Variants in PTPRN2 observed in about 807,000 individuals in gnomAD.
The protein encoded by PTPRN2 is protein tyrosine phosphatase receptor type N2.
PTPRN2 carries 74 observed loss-of-function variants against 118.8 expected under a neutral mutation model. The observed-to-expected ratio is 0.62, with a 90% confidence interval of 0.52 to 0.76. The LOEUF (loss-of-function observed/expected upper bound fraction) is 0.76. Among genes scored for constraint, PTPRN2 ranks in the 30% least tolerant of loss-of-function variants. PTPRN2 has a pLI of 0.00. For synonymous variants in PTPRN2, 641 were observed against 608.0 expected (o/e 1.05, Z -0.80); for missense variants, 1,481 against 1,394.4 (o/e 1.06, Z -0.99).
chr7:158,466,088 T>A (rs1819362136), intron 2 of PTPRN2, among the ~76,000 whole-genome samples: 1 of 152,204 alleles, frequency 6.6e-6, no homozygotes, highest in South Asian at 2.1e-4. Flanking sequence ...ATTTGAGGCG[T>A]GCAACATGAT....
chr7:157,892,529 A>G (rs1796868199), intron 12 of PTPRN2, among the ~76,000 whole-genome samples: 1 of 152,280 alleles, frequency 6.6e-6, no homozygotes, highest in South Asian at 2.1e-4. Context: ...TAATTCCACT[A>G]TCTGTCATCA....
chr7:157,618,007 A>C lies in PTPRN2; in HGVS notation c.2344+3355T>G. ...ATAATTCTTTTTTAAACATTCAAAA[A>C]ACAGAAAATGCATGTTAAGTTCTTT... On this transcript the variant is annotated intron_variant, in intron 15 of 22. Coordinates refer to ENST00000389418, the MANE Select transcript of PTPRN2 (RefSeq NM_002847.5). This position sits in a 1 kb window ranked among gnomAD's most constrained non-coding sequence, Gnocchi z 4.2. 1 of 152,268 alleles carries C rather than the reference A, an allele frequency of 6.6e-6. No homozygotes were observed. Among genetic ancestry groups the C allele is most frequent in the Non-Finnish European group, 1.5e-5 (1 of 68,050 alleles). 9.4% of individuals were successfully genotyped at this position (152,268 alleles called of 1,614,324 possible). A position where few individuals can be genotyped will look rare whatever the true frequency, so the allele number is the denominator to read the frequency against.
At chr7:157,717,804 C>T (rs1356293310) in intron 12 of PTPRN2, among the ~76,000 whole-genome samples, 1 of 152,278 alleles carries the variant, frequency 6.6e-6, no homozygotes, top group Non-Finnish European at 1.5e-5. Flanking sequence ...CTGAAGCCTT[C>T]AAGAGCAAAG....
chr7:157,956,554 T>C (rs1005160982), intron 11 of PTPRN2, among the ~76,000 whole-genome samples: 4 of 152,248 alleles, frequency 2.6e-5, no homozygotes, highest in African/African-American at 9.6e-5. Flanking sequence ...GTCTACCAGT[T>C]GCTATTTCTT....
At chr7:158,046,981 A>T (rs1232343568) in intron 11 of PTPRN2, among the ~76,000 whole-genome samples, 1 of 152,204 alleles carries the variant, frequency 6.6e-6, no homozygotes, top group East Asian at 1.9e-4. Context: ...GCAGGCAATC[A>T]GGTTTACACA....
rs1348429178 is a variant in PTPRN2 at position 157,657,517 on chromosome 7, CAAACCACACACAT to C, written c.2002-979_2002-967del. ...CACATATACACACACATACACCACA[CAAACCACACACAT>C]CACACATATACACACACACCACACA... is the stretch of plus-strand genomic sequence containing the variant. On this transcript the variant is annotated intron_variant, in intron 13 of 22. Transcript: ENST00000389418. Among the ~76,000 whole-genome samples the C allele has an allele frequency of 1.8e-4, 7 of 38,624 alleles. 1 individual carries two copies. The highest frequency in any genetic ancestry group is 6.9e-4 in the African/African-American group (7 of 10,142). 25.3% of individuals were successfully genotyped at this position (38,624 alleles called of 152,430 possible).
At position 157,699,220 on chromosome 7, in the gene PTPRN2, T is replaced by C. The variant is rs148148217; in HGVS notation, c.1789-16283A>G. On this transcript the variant is annotated intron_variant, in intron 12 of 22. Coordinates refer to ENST00000389418, the MANE Select transcript of PTPRN2 (RefSeq NM_002847.5). ...TCACATATTCTTTAAGAAAAGTGCCTATGTATATTTTAATGTATGAAAATA... is the reference window on the plus strand; with the variant it reads ...TCACATATTCTTTAAGAAAAGTGCCCATGTATATTTTAATGTATGAAAATA... Among the ~76,000 whole-genome samples, 39 of 152,330 alleles carry C rather than the reference T, an allele frequency of 2.6e-4. No individual in the cohort carries two copies. The East Asian group carries it at 5.2e-3, about 20-fold the overall frequency.
At chr7:158,071,051 A>ATGGTGGTGGAGGTGCTCG (rs1811391585) in intron 11 of PTPRN2, among the ~76,000 whole-genome samples, 2 of 24,240 alleles carry the variant, frequency 8.3e-5, no homozygotes, top group African/African-American at 2.5e-4. Context: ...GGAGGTGCTC[A>ATGGTGGTGGAGGTGCTCG]TGGTGGTGGA....
intron 3 of PTPRN2, among the ~76,000 whole-genome samples, chr7:158,245,993 C>T (rs1796223799): frequency 6.6e-6 from 1 of 151,984 alleles, no homozygotes; most frequent in African/African-American, 2.4e-5. Context: ...GCCTGGTTGG[C>T]AGCAGCGAGA....
chr7:158,289,905 C>A (rs1800000789), intron 3 of PTPRN2, among the ~76,000 whole-genome samples: 1 of 152,224 alleles, frequency 6.6e-6, no homozygotes, highest in African/African-American at 2.4e-5. Flanking sequence ...TTGGGGTCCT[C>A]ACGCAGGCTG....
intron 2 of PTPRN2, among the ~76,000 whole-genome samples, chr7:158,449,744 A>T (rs1817974633): frequency 6.6e-6 from 1 of 152,220 alleles, no homozygotes; most frequent in South Asian, 2.1e-4. Context: ...GTCACACATC[A>T]GTTTCCCGCA....
At chr7:157,865,108 A>T (rs1292272928) in intron 12 of PTPRN2, 2 of 152,254 alleles carry the variant, frequency 1.3e-5, no homozygotes, top group African/African-American at 4.8e-5. Flanking sequence ...CGAAATGGAG[A>T]GGAGCGGTGC....
intron 2 of PTPRN2, among the ~76,000 whole-genome samples, chr7:158,487,666 G>A (rs1347498265): frequency 1.3e-5 from 2 of 152,088 alleles, no homozygotes; most frequent in Admixed American, 6.5e-5. Flanking sequence ...TTCTAGACTC[G>A]CAGCCGCCCC....
chr7:158,328,302 T>C (rs1803819459), intron 2 of PTPRN2, among the ~76,000 whole-genome samples: 1 of 152,218 alleles, frequency 6.6e-6, no homozygotes, highest in Non-Finnish European at 1.5e-5. Flanking sequence ...AAGGAGCCGT[T>C]GGATCCGTGG....
At chr7:158,486,826 C>T (rs1328977205) in intron 2 of PTPRN2, among the ~76,000 whole-genome samples, 5 of 152,130 alleles carry the variant, frequency 3.3e-5, no homozygotes, top group African/African-American at 9.7e-5. Flanking sequence ...GTGTACAGTT[C>T]GGTGGTGTTA....
intron 3 of PTPRN2, among the ~76,000 whole-genome samples, chr7:158,226,290 G>T (rs1416654249): frequency 6.6e-6 from 1 of 152,192 alleles, no homozygotes. Context: ...TTGAGAAGCA[G>T]AATTGGTAAA....
chr7:158,091,553 G>A (rs1222537828), intron 10 of PTPRN2, among the ~76,000 whole-genome samples: 1 of 152,128 alleles, frequency 6.6e-6, no homozygotes, highest in Non-Finnish European at 1.5e-5. Context: ...TTGGAGTGAA[G>A]CCCATAACAT....
chr7:158,317,954 C>A (rs1472578508), intron 2 of PTPRN2, among the ~76,000 whole-genome samples: 1 of 152,200 alleles, frequency 6.6e-6, no homozygotes, highest in African/African-American at 2.4e-5. Context: ...TGGGACTTTG[C>A]AAAGCCCAGG....
chr7:158,004,633 A>T (rs749899764), intron 11 of PTPRN2, among the ~76,000 whole-genome samples: 1 of 152,190 alleles, frequency 6.6e-6, no homozygotes, highest in Non-Finnish European at 1.5e-5. Context: ...ATGTGTGCTT[A>T]TATGGAAAAT....
Sources: allele counts gnomAD v4.1 joint callset (sites outside exome capture counted in the v4.1 genomes callset), GRCh38; gene constraint gnomAD v4.1.1; non-coding constraint Gnocchi (gnomAD v3.1); transcripts MANE v1.5; gene names NCBI Gene and HGNC (gene_info 2026-07-23, HGNC 2026-07-21).